Variants in SUSD5 observed in about 807,000 individuals in gnomAD.
SUSD5 encodes the protein sushi domain containing 5, also known as sushi domain-containing protein 5.
SUSD5 carries 33 observed loss-of-function variants against 29.5 expected under a neutral mutation model. That is an observed-to-expected ratio of 1.12 (90% CI 0.85 to 1.49). SUSD5 has a LOEUF of 1.49. Ranked by LOEUF, SUSD5 falls within the 40% of genes most tolerant of loss-of-function variation. The pLI, the probability that SUSD5 is intolerant of heterozygous loss-of-function variation, is 0.00. For missense variants in SUSD5, 776 were observed against 800.6 expected (o/e 0.97, Z 0.37); for synonymous variants, 308 against 325.3 (o/e 0.95, Z 0.57).
intron 3 of SUSD5, among the ~76,000 whole-genome samples, chr3:33,180,938 G>A (rs770522670): frequency 8.0e-5 from 12 of 150,602 alleles, no homozygotes; most frequent in Non-Finnish European, 1.3e-4. Flanking sequence ...CCTGCCTCAG[G>A]CCTTCCAAAG....
intron 2 of SUSD5, among the ~76,000 whole-genome samples, chr3:33,211,787 T>C (rs2032328617): frequency 6.6e-6 from 1 of 152,236 alleles, no homozygotes; most frequent in Admixed American, 6.5e-5. Context: ...CCTGTGTTTT[T>C]GAGATCTTAT....
chr3:33,187,316 A>G (rs1460874475), intron 3 of SUSD5, among the ~76,000 whole-genome samples: 8 of 152,216 alleles, frequency 5.3e-5, no homozygotes, highest in Admixed American at 5.2e-4. Context: ...TTTCAAAACG[A>G]TATGGGCTAG....
chr3:33,208,140 G>C (rs1037269419), intron 2 of SUSD5, among the ~76,000 whole-genome samples: 3 of 152,120 alleles, frequency 2.0e-5, no homozygotes, highest in Non-Finnish European at 4.4e-5. Context: ...GTATCAATTC[G>C]AGTTTCAAAG....
intron 3 of SUSD5, among the ~76,000 whole-genome samples, chr3:33,183,030 C>T (rs1333526653): frequency 1.3e-5 from 2 of 151,994 alleles, no homozygotes; most frequent in African/African-American, 2.4e-5. Context: ...CTCCTGACCT[C>T]GTGATCCACC....
chr3:33,165,901 G>A (rs940550040), intron 4 of SUSD5, among the ~76,000 whole-genome samples: 8 of 151,870 alleles, frequency 5.3e-5, no homozygotes, highest in South Asian at 2.1e-4. Flanking sequence ...CTGGCACTTC[G>A]GGAGCCCGAG....
In SUSD5 at chr3:33,150,229, G is replaced by A. The variant is rs1397889554; in HGVS notation, c.*2513C>T. On this transcript the variant is annotated 3_prime_UTR_variant, in exon 5 of 5. Coordinates refer to ENST00000309558, the MANE Select transcript of SUSD5 (RefSeq NM_015551.2). Reference sequence around the variant, plus strand: ...TTAGATTCTATAACATTAATTTAGAGGATACCACACCAATAAGAACTTAAA... The same window carrying A: ...TTAGATTCTATAACATTAATTTAGAAGATACCACACCAATAAGAACTTAAA... 1.3e-5 allele frequency: 2 copies of A among 151,880 alleles called. No individual in the cohort carries two copies. Among genetic ancestry groups the A allele is most frequent in the African/African-American group, 4.8e-5 (2 of 41,324 alleles). 9.4% of individuals were successfully genotyped at this position (151,880 alleles called of 1,614,324 possible). A position where few individuals can be genotyped will look rare whatever the true frequency, so the allele number is the denominator to read the frequency against.
chr3:33,217,927 C>A (rs777493151), intron 1 of SUSD5, among the ~76,000 whole-genome samples: 8 of 152,190 alleles, frequency 5.3e-5, no homozygotes, highest in Non-Finnish European at 7.3e-5. Flanking sequence ...GAAAACACAG[C>A]TGAATTAGCT....
intron 3 of SUSD5, among the ~76,000 whole-genome samples, chr3:33,197,792 T>C (rs1171450436): frequency 6.6e-6 from 1 of 152,230 alleles, no homozygotes; most frequent in African/African-American, 2.4e-5. Flanking sequence ...CTTTTGCATG[T>C]ATTAATATTT....
intron 3 of SUSD5, among the ~76,000 whole-genome samples, chr3:33,195,204 A>G (rs1397155516): frequency 1.3e-5 from 2 of 152,208 alleles, no homozygotes; most frequent in Non-Finnish European, 2.9e-5. Context: ...CAAAACAAAC[A>G]AACGAAACAA....
chr3:33,202,118 A>G (rs888642054), intron 3 of SUSD5, among the ~76,000 whole-genome samples: 11 of 152,002 alleles, frequency 7.2e-5, no homozygotes, highest in African/African-American at 2.4e-4. Flanking sequence ...CACAAGTCTG[A>G]GCATTGGACT....
chr3:33,217,790 G>A (rs2032451007), intron 1 of SUSD5, among the ~76,000 whole-genome samples: 1 of 152,034 alleles, frequency 6.6e-6, no homozygotes, highest in South Asian at 2.1e-4. Flanking sequence ...TTGACGGAGG[G>A]CTTTTCTCTT....
chr3:33,188,457 G>C (rs1285545177), intron 3 of SUSD5, among the ~76,000 whole-genome samples: 1 of 152,128 alleles, frequency 6.6e-6, no homozygotes, highest in Non-Finnish European at 1.5e-5. Flanking sequence ...CTCTACATCA[G>C]TGGTTCTCAA....
intron 1 of SUSD5, among the ~76,000 whole-genome samples, chr3:33,214,395 G>T (rs1229232506): frequency 8.3e-6 from 1 of 120,480 alleles, no homozygotes; most frequent in Non-Finnish European, 1.6e-5. Flanking sequence ...CTTTTAAAAC[G>T]GTGTTTTACA....
chr3:33,185,932 T>C (rs745975002), intron 3 of SUSD5, among the ~76,000 whole-genome samples: 8 of 150,116 alleles, frequency 5.3e-5, no homozygotes, highest in Non-Finnish European at 1.2e-4. Context: ...AACTGCTGCA[T>C]CAAAGTAATG....
intron 3 of SUSD5, among the ~76,000 whole-genome samples, chr3:33,198,357 A>G (rs2032036385): frequency 6.6e-6 from 1 of 152,226 alleles, no homozygotes; most frequent in Non-Finnish European, 1.5e-5. Context: ...TACAGAGCCC[A>G]TGGTTCTAAT....
In SUSD5 at chr3:33,150,356, T is replaced by G. The variant is rs1361179682; in HGVS notation, c.*2386A>C. 1.3e-5 allele frequency: 2 copies of G among 152,148 alleles called. No homozygotes were observed. Among genetic ancestry groups the G allele is most frequent in the Non-Finnish European group, 2.9e-5 (2 of 68,028 alleles). 9.4% of individuals were successfully genotyped at this position (152,148 alleles called of 1,614,324 possible). On this transcript the variant is annotated 3_prime_UTR_variant, in exon 5 of 5. Coordinates refer to ENST00000309558, the MANE Select transcript of SUSD5 (RefSeq NM_015551.2). ...TTTATTAATACACTGTATTAATAAT[T>G]TGTAATAAATTTATTAATACACTGT...
chr3:33,174,551 G>C (rs2031503256), intron 4 of SUSD5, among the ~76,000 whole-genome samples: 1 of 152,158 alleles, frequency 6.6e-6, no homozygotes, highest in African/African-American at 2.4e-5. Flanking sequence ...ATGCTGCTTT[G>C]TACCACAGCT....
In SUSD5 at chr3:33,208,600, C is replaced by T. The variant is rs574424629; in HGVS notation, c.291-674G>A. Reference sequence around the variant, plus strand: ...TTCCTTTCCTCTTCTTTCTTTTTTCCCACTTTGGGTTATCTGAATTATTCT... The same window carrying T: ...TTCCTTTCCTCTTCTTTCTTTTTTCTCACTTTGGGTTATCTGAATTATTCT... On this transcript the variant is annotated intron_variant, in intron 2 of 4. Transcript: ENST00000309558. 5.3e-5 allele frequency among the ~76,000 whole-genome samples: 8 copies of T among 151,860 alleles called. No homozygotes were observed. The East Asian group carries it at 1.5e-3, about 29-fold the overall frequency.
chr3:33,218,651 T>A lies in SUSD5; in HGVS notation c.112+35A>T, dbSNP rs555514743. On this transcript the variant is annotated intron_variant, in intron 1 of 4. Transcript: ENST00000309558. ...CGCCCTCCCTGCCCGGACCCCACGC[T>A]CCACCCCCCGCCCCGCCGCCTCCCG... 485 of 1,239,476 alleles carry A rather than the reference T, an allele frequency of 3.9e-4. 2 individuals carry two copies. The African/African-American group carries it at 6.5e-3, about 17-fold the overall frequency. The allele number at this position is 1,239,476 out of a possible 1,614,324, so 76.8% of individuals were successfully genotyped here. A position where few individuals can be genotyped will look rare whatever the true frequency, so the allele number is the denominator to read the frequency against.
Sources: allele counts gnomAD v4.1 joint callset (sites outside exome capture counted in the v4.1 genomes callset), GRCh38; gene constraint gnomAD v4.1.1; transcripts MANE v1.5; gene names NCBI Gene and HGNC (gene_info 2026-07-23, HGNC 2026-07-21).